MYO5B: variants seen among roughly 807,000 people sequenced by gnomAD.
The protein encoded by MYO5B is unconventional myosin-Vb.
MYO5B carries 143 observed loss-of-function variants against 229.3 expected under a neutral mutation model. The ratio of observed to expected loss-of-function variants is 0.62; its 90% CI spans 0.54 to 0.72. The LOEUF (loss-of-function observed/expected upper bound fraction) is 0.72. Ranked by LOEUF, MYO5B falls within the 30% of genes least tolerant of loss-of-function variation. The pLI is 0.00. For missense variants in MYO5B, 2,321 were observed against 2,331.0 expected, an observed-to-expected ratio of 1.00 and a Z score of 0.09; for synonymous variants, 918 against 885.2, an observed-to-expected ratio of 1.04 and a Z score of -0.66.
intron 14 of MYO5B, among the ~76,000 whole-genome samples, chr18:49,949,223 G>A (rs2025406623): frequency 6.6e-6 from 1 of 152,108 alleles, no homozygotes; most frequent in African/African-American, 2.4e-5. Context: ...TGTAGTGGTG[G>A]CCAGGAATAG....
rs756412164 is a variant in MYO5B, at chr18:49,841,333, A to C, written c.4701+32T>G. 3.7e-6 allele frequency: 6 copies of C among 1,600,188 alleles called. No individual in the cohort carries two copies. In the South Asian group the frequency reaches 6.6e-5, roughly 18 times the overall value. On this transcript the variant is annotated intron_variant, in intron 35 of 39. Coordinates refer to ENST00000285039, the MANE Select transcript of MYO5B (RefSeq NM_001080467.3). Reference sequence around the variant, plus strand: ...CTCAACCACATTTGGATGAAGCAGGAATGCCTCCTGGGTGCCTGGCTCCCC... The same window carrying C: ...CTCAACCACATTTGGATGAAGCAGGCATGCCTCCTGGGTGCCTGGCTCCCC...
At position 49,921,147 on chromosome 18, in the gene MYO5B, C is replaced by T. The variant is rs559846402; in HGVS notation, c.2090+8365G>A. ...CCAATCTTATGCTATTTACTCTTCACAGGACTGGGGAGAAGAAAGTTGAGG... is the reference window on the plus strand; with the variant it reads ...CCAATCTTATGCTATTTACTCTTCATAGGACTGGGGAGAAGAAAGTTGAGG... On this transcript the variant is annotated intron_variant, in intron 17 of 39. Transcript: ENST00000285039. 3.3e-5 allele frequency among the ~76,000 whole-genome samples: 5 copies of T among 151,898 alleles called. No homozygotes were observed. In the East Asian group the frequency reaches 9.7e-4, roughly 29 times the overall value.
intron 7 of MYO5B, among the ~76,000 whole-genome samples, chr18:49,986,102 C>G (rs761511152): frequency 6.6e-6 from 1 of 152,232 alleles, no homozygotes; most frequent in African/African-American, 2.4e-5. Context: ...TACCCTAGAA[C>G]AGCCCCTGGC....
At chr18:50,090,338 C>CAA (rs11393869) in intron 1 of MYO5B, among the ~76,000 whole-genome samples, 20,916 of 136,228 alleles carry the variant, frequency 0.15, 1,738 homozygotes, top group African/African-American at 0.18. Flanking sequence ...GCAAGACCCT[C>CAA]AAAAAAAAAA....
chr18:49,973,161 T>C (rs987946473), intron 10 of MYO5B, among the ~76,000 whole-genome samples: 3 of 152,176 alleles, frequency 2.0e-5, no homozygotes, highest in African/African-American at 7.2e-5. Context: ...TTATGTCACT[T>C]AACTCGTGCA....
chr18:50,161,378 T>C (rs1263314167), intron 1 of MYO5B, among the ~76,000 whole-genome samples: 1 of 151,882 alleles, frequency 6.6e-6, no homozygotes, highest in Non-Finnish European at 1.5e-5. Flanking sequence ...GGCGAGACTG[T>C]CTCAAAAACA....
At chr18:50,052,154 T>C (rs949311755) in intron 2 of MYO5B, among the ~76,000 whole-genome samples, 8 of 152,252 alleles carry the variant, frequency 5.3e-5, no homozygotes, top group African/African-American at 1.9e-4. Flanking sequence ...TGGCGATTCC[T>C]CAGGGATCTA....
intron 35 of MYO5B, 96 bp from the exon 36 acceptor site, chr18:49,839,390 G>T: frequency 7.0e-7 from 1 of 1,432,086 alleles, no homozygotes; most frequent in Non-Finnish European, 9.7e-7. Flanking sequence ...TATTTGGTGG[G>T]CAGGGGGCCT....
intron 1 of MYO5B, among the ~76,000 whole-genome samples, chr18:50,105,941 C>T (rs112054577): frequency 0.011 from 1,712 of 152,222 alleles, 36 homozygotes; most frequent in African/African-American, 0.038. Context: ...AAACAAGCCT[C>T]CTTTGTAGGC....
chr18:49,938,704 G>C (rs1219133026), intron 14 of MYO5B, among the ~76,000 whole-genome samples: 1 of 152,082 alleles, frequency 6.6e-6, no homozygotes, highest in African/African-American at 2.4e-5. Context: ...ACAATACCTT[G>C]CAAAACCATC....
intron 16 of MYO5B, among the ~76,000 whole-genome samples, chr18:49,933,864 T>G (rs574064534): frequency 1.2e-4 from 18 of 152,320 alleles, no homozygotes; most frequent in African/African-American, 4.3e-4. Flanking sequence ...ATTCAGATTC[T>G]TTCATCAGGA....
intron 21 of MYO5B, among the ~76,000 whole-genome samples, chr18:49,898,800 G>GGCCT (rs2024809838): frequency 6.6e-6 from 1 of 152,130 alleles, no homozygotes; most frequent in African/African-American, 2.4e-5. Context: ...GGGTGTACAA[G>GGCCT]GCCTTAGGAT....
chr18:49,908,596 C>A (rs562373251), intron 18 of MYO5B, among the ~76,000 whole-genome samples: 1 of 152,282 alleles, frequency 6.6e-6, no homozygotes, highest in East Asian at 1.9e-4. Context: ...ACACAGTGCT[C>A]ACACACATCC....
Position 49,902,589 on chromosome 18 carries a change from C to T in MYO5B, c.2811+5G>A. On this transcript the variant is annotated splice_donor_5th_base_variant and intron_variant, in intron 21 of 39. Coordinates refer to ENST00000285039, the MANE Select transcript of MYO5B (RefSeq NM_001080467.3). ...ACACCCAGGTAGGGAGCTGCAGACA[C>T]TGACCTGCTCATCGATCTTCCGCTG... The T allele has an allele frequency of 1.9e-6, 3 of 1,611,208 alleles. No homozygotes were observed. The highest frequency in any genetic ancestry group is 2.5e-6 in the Non-Finnish European group (3 of 1,180,028).
intron 1 of MYO5B, among the ~76,000 whole-genome samples, chr18:50,185,330 C>T (rs2033133425): frequency 1.3e-5 from 2 of 151,388 alleles, no homozygotes; most frequent in South Asian, 2.1e-4. Context: ...AACAATGACC[C>T]GAACTTAGAG....
intron 5 of MYO5B, among the ~76,000 whole-genome samples, chr18:49,993,732 A>G (rs553013292): frequency 1.3e-5 from 2 of 152,238 alleles, no homozygotes; most frequent in South Asian, 2.1e-4. Flanking sequence ...AACAACTTCA[A>G]TGGGCTCTCA....
rs117700794 is a variant in MYO5B at position 49,874,052 on chromosome 18, A to G, written c.3537+1635T>C. Reference sequence around the variant, plus strand: ...CGAATCCAAGAACTTGACCTCCAAAAGCTCCATTTCAGGGTGCTGTAGAGG... The same window carrying G: ...CGAATCCAAGAACTTGACCTCCAAAGGCTCCATTTCAGGGTGCTGTAGAGG... On this transcript the variant is annotated intron_variant, in intron 26 of 39. Transcript: ENST00000285039. Among the ~76,000 whole-genome samples the G allele has an allele frequency of 2.5e-4, 38 of 152,284 alleles. 1 individual carries two copies. The East Asian group carries it at 7.1e-3, about 29-fold the overall frequency.
chr18:49,856,827 T>C lies in MYO5B; in HGVS notation c.4008A>G (p.Leu1336=). The change falls in exon 30 of 40, where the codon CTA becomes CTG. Residue 1336 remains leucine (L), a synonymous_variant. Transcript: ENST00000285039. The part of the protein sequence containing the change: ...DGELGLAYQG[L]KQVARLLEAQ... ...ATATGTTCCACCTGGCAACTTGCTT[T>C]AGGCCTTGGTAGGCCAAGCCGAGTT... 6.2e-7 allele frequency: 1 copy of C among 1,613,970 alleles called. No individual in the cohort carries two copies. Among genetic ancestry groups the C allele is most frequent in the South Asian group, 1.1e-5 (1 of 91,080 alleles).
chr18:50,099,112 C>T (rs2031607995), intron 1 of MYO5B: 1 of 152,232 alleles, frequency 6.6e-6, no homozygotes, highest in African/African-American at 2.4e-5. Context: ...ATCTTCTGAC[C>T]ATGAATTCAA....
Sources: gnomAD v4.1 joint callset for allele counts (sites outside exome capture counted in the v4.1 genomes callset) on GRCh38, gnomAD v4.1.1 for gene constraint, MANE v1.5 for transcripts, NCBI Gene and HGNC (gene_info 2026-07-23, HGNC 2026-07-21) for gene names.